RBFOX1: variants seen among roughly 807,000 people sequenced by gnomAD.
The protein encoded by RBFOX1 is RNA binding fox-1 homolog 1.
In RBFOX1, 8 loss-of-function variants were observed where a neutral mutation model predicts 57.7. The observed-to-expected ratio is 0.14, with a 90% CI of 0.08 to 0.25. The LOEUF (loss-of-function observed/expected upper bound fraction) is 0.25, where lower values mean the gene tolerates loss of function less well. Ranked by LOEUF, RBFOX1 falls within the 10% of genes least tolerant of loss-of-function variation. RBFOX1 has a pLI of 1.00. For missense variants in RBFOX1, 611 were observed against 548.5 expected, an observed-to-expected ratio of 1.11 and a Z score of -1.14; for synonymous variants, 326 against 222.4, an observed-to-expected ratio of 1.47 and a Z score of -4.15.
At chr16:5,778,942 T>A (rs2054237644) in intron 3 of RBFOX1, among the ~76,000 whole-genome samples, 6 of 152,214 alleles carry the variant, frequency 3.9e-5, no homozygotes, top group Admixed American at 3.9e-4. Context: ...GCACTCAATT[T>A]TTTTTATTCA....
intron 1 of RBFOX1, among the ~76,000 whole-genome samples, chr16:6,042,098 C>T (rs1305690026): frequency 2.0e-5 from 3 of 146,588 alleles, no homozygotes; most frequent in Admixed American, 7.1e-5. Context: ...TGGACTCTCT[C>T]CTACTTTTTT....
chr16:6,558,681 C>T (rs780811794), intron 2 of RBFOX1, among the ~76,000 whole-genome samples: 7 of 152,130 alleles, frequency 4.6e-5, no homozygotes, highest in African/African-American at 7.2e-5. Flanking sequence ...AAACAAAACG[C>T]CCAAACAGGT....
intron 1 of RBFOX1, among the ~76,000 whole-genome samples, chr16:6,031,539 A>G (rs2095289474): frequency 6.6e-6 from 1 of 152,034 alleles, no homozygotes; most frequent in Non-Finnish European, 1.5e-5. Flanking sequence ...GCATGTGTAG[A>G]TGTGTACACT....
At chr16:6,564,458 TCAAAAACAAA>T (rs935298230) in intron 2 of RBFOX1, among the ~76,000 whole-genome samples, 4 of 139,254 alleles carry the variant, frequency 2.9e-5, no homozygotes, top group Non-Finnish European at 4.7e-5. Flanking sequence ...AGACTCTGTC[TCAAAAACAAA>T]CAAAAACAAA....
At chr16:7,641,490 G>A (rs1255553869) in intron 11 of RBFOX1, among the ~76,000 whole-genome samples, 1 of 152,174 alleles carries the variant, frequency 6.6e-6, no homozygotes, top group Admixed American at 6.5e-5. Context: ...CACACCACAT[G>A]TTTTAGATTT....
At chr16:7,059,560 A>G (rs373265267) in intron 4 of RBFOX1, among the ~76,000 whole-genome samples, 26 of 152,312 alleles carry the variant, frequency 1.7e-4, no homozygotes, top group African/African-American at 3.8e-4. Flanking sequence ...AAAATGTTCA[A>G]TGTGAAACTG....
intron 4 of RBFOX1, among the ~76,000 whole-genome samples, chr16:7,198,787 C>A (rs930056538): frequency 6.6e-6 from 1 of 152,204 alleles, no homozygotes; most frequent in Non-Finnish European, 1.5e-5. Context: ...GGCCTCACCT[C>A]CCAACACTGT....
chr16:6,725,928 A>G (rs563959917), intron 3 of RBFOX1, among the ~76,000 whole-genome samples: 2 of 152,184 alleles, frequency 1.3e-5, no homozygotes, highest in African/African-American at 4.8e-5. Flanking sequence ...GTATCTGATG[A>G]TAAACACTTG....
intron 1 of RBFOX1, among the ~76,000 whole-genome samples, chr16:6,102,676 G>A (rs1003280592): frequency 1.3e-5 from 2 of 152,040 alleles, no homozygotes; most frequent in African/African-American, 4.8e-5. Flanking sequence ...GTTCCCTTGT[G>A]AATTTTATAG....
rs140087546 is a variant in RBFOX1, at chr16:6,383,414, T to C, written c.-64+66357T>C. Among the ~76,000 whole-genome samples, 1,410 of 152,264 alleles carry C rather than the reference T, an allele frequency of 9.3e-3. 10 individuals are homozygous for C. The highest frequency in any genetic ancestry group is 0.024 in the Middle Eastern group (7 of 294). ...AGTCTGTGCAGTCAGACAGTTCTTT[T>C]CTATCTTGCTTTCTTCCTTGGGTCA... is the stretch of plus-strand genomic sequence containing the variant. On this transcript the variant is annotated intron_variant, in intron 2 of 15. Coordinates refer to ENST00000550418, the MANE Select transcript of RBFOX1 (RefSeq NM_018723.4).
intron 2 of RBFOX1, among the ~76,000 whole-genome samples, chr16:6,557,070 T>TATATACATATATACATAC (rs1402129000): frequency 4.8e-5 from 7 of 145,862 alleles, no homozygotes; most frequent in African/African-American, 1.8e-4. Flanking sequence ...TATACATACA[T>TATATACATATATACATAC]ATATACATAT....
intron 4 of RBFOX1, among the ~76,000 whole-genome samples, chr16:7,452,476 C>G (rs557131228): frequency 1.3e-5 from 2 of 152,268 alleles, no homozygotes; most frequent in Non-Finnish European, 1.5e-5. Flanking sequence ...GCTTGTCTTT[C>G]CCATTACAGA....
At chr16:7,035,552 T>G (rs73538970) in intron 3 of RBFOX1, among the ~76,000 whole-genome samples, 8,807 of 152,242 alleles carry the variant, frequency 0.058, 851 homozygotes, top group African/African-American at 0.2. Context: ...GAACGCTACT[T>G]GTGAAAATAT....
chr16:7,446,370 A>G (rs891321003), intron 4 of RBFOX1, among the ~76,000 whole-genome samples: 2 of 152,174 alleles, frequency 1.3e-5, no homozygotes, highest in African/African-American at 4.8e-5. Flanking sequence ...TAATTTCAGA[A>G]GTTGAGGAGA....
chr16:7,531,911 TC>T, intron 5 of RBFOX1, among the ~76,000 whole-genome samples: 1 of 152,072 alleles, frequency 6.6e-6, no homozygotes, highest in Non-Finnish European at 1.5e-5. Context: ...CCCATCCCCT[TC>T]CCCAGTGGCA....
chr16:6,308,270 T>C (rs911544705), intron 1 of RBFOX1, among the ~76,000 whole-genome samples: 1 of 152,216 alleles, frequency 6.6e-6, no homozygotes, highest in Non-Finnish European at 1.5e-5. Context: ...TCCATATTTA[T>C]TTATTTGGAT....
exon 3 of RBFOX1, chr16:5,599,092 C>T (rs1373617212): frequency 5.5e-6 from 5 of 913,456 alleles, no homozygotes; most frequent in Non-Finnish European, 8.6e-6. Context: ...GGAGAATTAA[C>T]TGGGTTTGAG....
intron 3 of RBFOX1, among the ~76,000 whole-genome samples, chr16:5,672,144 G>T (rs1397556172): frequency 3.3e-5 from 5 of 152,156 alleles, no homozygotes; most frequent in African/African-American, 1.2e-4. Context: ...CTGGGGGCAG[G>T]CAGTGGATCA....
intron 2 of RBFOX1, among the ~76,000 whole-genome samples, chr16:6,462,646 A>C (rs1193518982): frequency 6.6e-6 from 1 of 152,196 alleles, no homozygotes; most frequent in Non-Finnish European, 1.5e-5. Flanking sequence ...TGAAATAATT[A>C]GTAAAAGCTC....
Sources: allele counts gnomAD v4.1 joint callset (sites outside exome capture counted in the v4.1 genomes callset), GRCh38; gene constraint gnomAD v4.1.1; transcripts MANE v1.5; gene names NCBI Gene and HGNC (gene_info 2026-07-23, HGNC 2026-07-21).